The following CTBP2 variants were observed in gnomAD, a reference collection of about 807,000 sequenced individuals.
CTBP2 encodes the protein C-terminal-binding protein 2.
A neutral mutation model predicts 80.3 loss-of-function variants in CTBP2; 30 were observed. The ratio of observed to expected loss-of-function variants is 0.37; its 90% confidence interval spans 0.28 to 0.51. The LOEUF (loss-of-function observed/expected upper bound fraction) is 0.51. Among genes scored for constraint, CTBP2 ranks in the 20% least tolerant of loss-of-function variants. CTBP2 has a pLI of 0.93. For missense variants in CTBP2, 1,212 were observed against 1,375.3 expected, an observed-to-expected ratio of 0.88 and a Z score of 1.88; for synonymous variants, 594 against 587.4, an observed-to-expected ratio of 1.01 and a Z score of -0.16.
chr10:125,114,658 A>G (rs1013747115), intron 1 of CTBP2, among the ~76,000 whole-genome samples: 1 of 152,162 alleles, frequency 6.6e-6, no homozygotes, highest in Non-Finnish European at 1.5e-5. Context: ...AATGAGCCCT[A>G]AAAAGGTCTT....
intron 1 of CTBP2, among the ~76,000 whole-genome samples, chr10:125,135,478 C>T (rs1317387490): frequency 6.6e-6 from 1 of 152,190 alleles, no homozygotes; most frequent in Non-Finnish European, 1.5e-5. Flanking sequence ...CCCACCCAGG[C>T]AGGAAGCCTC....
At chr10:125,123,107 T>G (rs930642169) in intron 1 of CTBP2, among the ~76,000 whole-genome samples, 1 of 152,216 alleles carries the variant, frequency 6.6e-6, no homozygotes, top group Non-Finnish European at 1.5e-5. Context: ...CAGAACTTTC[T>G]TTGAGCAAAC....
chr10:125,049,023 C>G (rs2135156624), intron 2 of CTBP2, among the ~76,000 whole-genome samples: 1 of 142,172 alleles, frequency 7.0e-6, no homozygotes, highest in East Asian at 2.5e-4. Context: ...GCTCTCTGGC[C>G]TCAATTTGCC....
intron 5 of CTBP2, among the ~76,000 whole-genome samples, chr10:124,994,243 G>A (rs1403009902): frequency 6.6e-6 from 1 of 152,252 alleles, no homozygotes; most frequent in African/African-American, 2.4e-5. Flanking sequence ...GTTCTGGGAA[G>A]CTTCTGAAGC....
intron 1 of CTBP2, among the ~76,000 whole-genome samples, chr10:125,124,606 TCAA>T (rs1443647881): frequency 6.6e-6 from 1 of 152,232 alleles, no homozygotes; most frequent in East Asian, 1.9e-4. Context: ...TTTCAAATCA[TCAA>T]CATTGCTTAG....
At chr10:125,006,950 C>G (rs1955320773) in intron 1 of CTBP2, among the ~76,000 whole-genome samples, 1 of 152,242 alleles carries the variant, frequency 6.6e-6, no homozygotes, top group African/African-American at 2.4e-5. Flanking sequence ...GACAAGAGTC[C>G]TGCAGTGCTG....
At chr10:125,056,361 G>A (rs368532774) in intron 2 of CTBP2, among the ~76,000 whole-genome samples, 6 of 152,286 alleles carry the variant, frequency 3.9e-5, no homozygotes, top group Admixed American at 2.0e-4. Context: ...AGGCGTGCAC[G>A]CCATGGAGGA....
chr10:125,110,722 ACTTAT>A (rs1431726566), intron 2 of CTBP2, among the ~76,000 whole-genome samples: 1 of 152,148 alleles, frequency 6.6e-6, no homozygotes, highest in Admixed American at 6.6e-5. Flanking sequence ...ATTTCCGTTG[ACTTAT>A]CTCTATAGCA....
At chr10:125,037,541 G>C (rs957925849) in intron 3 of CTBP2, among the ~76,000 whole-genome samples, 5 of 152,188 alleles carry the variant, frequency 3.3e-5, no homozygotes, top group African/African-American at 1.2e-4. Flanking sequence ...AAATCAATGG[G>C]GCCTGGGCTC....
At chr10:124,990,249 T>C (rs1163833768) in intron 8 of CTBP2, among the ~76,000 whole-genome samples, 1 of 151,962 alleles carries the variant, frequency 6.6e-6, no homozygotes, top group Non-Finnish European at 1.5e-5. Flanking sequence ...TTCACCACGT[T>C]GGCCAGGATG....
chr10:125,026,488 AG>A lies in CTBP2; in HGVS notation c.1271del (p.Pro424LeufsTer24). On this transcript the variant is annotated frameshift_variant, in exon 1 of 9. Coordinates refer to ENST00000309035, the MANE Select transcript of CTBP2 (RefSeq NM_022802.3). LOFTEE classifies it high-confidence loss of function. ...AGTGTGGGGCATGGGTGCCCACGCC[AG>A]GGGCAGAATAGGTGGCTGCCGTCTC... 1 of 1,601,332 alleles carries A rather than the reference AG, an allele frequency of 6.2e-7. No homozygotes were observed. The highest frequency in any genetic ancestry group is 8.5e-7 in the Non-Finnish European group (1 of 1,171,460).
chr10:124,998,309 C>T, intron 3 of CTBP2, 139 bp from the exon 6 acceptor site: 1 of 936,498 alleles, frequency 1.1e-6, no homozygotes. Flanking sequence ...AGACGCGGGG[C>T]TGGGCACGTG....
At chr10:125,155,268 T>G (rs1860708520) in intron 1 of CTBP2, among the ~76,000 whole-genome samples, 1 of 152,222 alleles carries the variant, frequency 6.6e-6, no homozygotes, top group Admixed American at 6.5e-5. Context: ...CCACAGCTCC[T>G]GAAGTTTCTG....
At chr10:125,065,014 C>T (rs936178075) in intron 2 of CTBP2, among the ~76,000 whole-genome samples, 1 of 152,210 alleles carries the variant, frequency 6.6e-6, no homozygotes, top group African/African-American at 2.4e-5. Flanking sequence ...CCACAGGTAA[C>T]CACAACTGTT....
rs1957627046 is a variant in CTBP2 at position 125,026,699 on chromosome 10, T to C, written c.1061A>G (p.Gln354Arg). 25 of 1,612,184 alleles carry C rather than the reference T, an allele frequency of 1.6e-5. No individual in the cohort carries two copies. Among genetic ancestry groups the C allele is most frequent in the Non-Finnish European group, 2.0e-5 (24 of 1,179,622 alleles). Residue 354 changes from glutamine to arginine, a missense_variant, in exon 1 of 9, where the codon CAG (glutamine) becomes CGG (arginine). By Grantham distance (43) the Gln-to-Arg change is conservative. This residue lies in a region of CTBP2 where 848 missense variants were observed against 782.3 expected (regional missense o/e 1.08). Transcript: ENST00000309035. ...GCCCCCCCGGTCCTGCCTCCGCAGC[T>C]GCATTTCGGTCCTGCAGCTATTGGC...
chr10:125,108,048 G>A (rs78602836), intron 2 of CTBP2, among the ~76,000 whole-genome samples: 4,699 of 152,328 alleles, frequency 0.031, 106 homozygotes, highest in Middle Eastern at 0.078. Flanking sequence ...CAACTGAAGT[G>A]ATGGAGAACG....
At chr10:125,030,863 A>G (rs1184522634), upstream of CTBP2, among the ~76,000 whole-genome samples, 2 of 152,122 alleles carry the variant, frequency 1.3e-5, no homozygotes, top group Non-Finnish European at 2.9e-5. Flanking sequence ...GGGGTCCTGC[A>G]CCTGCCTGGG....
chr10:125,120,882 C>T (rs1236293014), intron 1 of CTBP2, among the ~76,000 whole-genome samples: 1 of 152,242 alleles, frequency 6.6e-6, no homozygotes, highest in Non-Finnish European at 1.5e-5. Context: ...ATGTGCAATA[C>T]TGACTGGGAA....
In CTBP2 at chr10:125,027,295, T is replaced by G. The variant is rs748273497; in HGVS notation, c.465A>C (p.Ser155=). 6.2e-7 allele frequency: 1 copy of G among 1,613,656 alleles called. No homozygotes were observed. The highest frequency in any genetic ancestry group is 2.2e-5 in the East Asian group (1 of 44,858). Residue 155 remains serine, a synonymous_variant, in exon 1 of 9, where the codon TCA becomes TCC. Coordinates refer to ENST00000309035, the MANE Select transcript of CTBP2 (RefSeq NM_022802.3). ...GGTGACCGGCGTCCTGCAGGGCAGG[T>G]GACCGGCCTTGCATTGGATCCCATG...
Sources: gnomAD v4.1 joint callset for allele counts (sites outside exome capture counted in the v4.1 genomes callset) on GRCh38, gnomAD v4.1.1 for gene constraint, gnomAD v4.1.1 regional missense constraint, MANE v1.5 for transcripts, NCBI Gene and HGNC (gene_info 2026-07-23, HGNC 2026-07-21) for gene names.